Variants in AGA observed in about 807,000 individuals in gnomAD.
AGA encodes the protein aspartylglucosaminidase.
A neutral mutation model predicts 40.1 loss-of-function variants in AGA; 31 were observed. The observed-to-expected ratio is 0.77, with a 90% CI of 0.58 to 1.04. The LOEUF is 1.04. Ranked by LOEUF, AGA falls within the 50% of genes least tolerant of loss-of-function variation. The probability of loss-of-function intolerance (pLI) is 0.00; values close to 1 mark genes in which losing one functional copy is unlikely to be tolerated. For missense variants in AGA, 445 were observed against 435.4 expected, an observed-to-expected ratio of 1.02 and a Z score of -0.20; for synonymous variants, 148 against 144.0, an observed-to-expected ratio of 1.03 and a Z score of -0.20.
In AGA at chr4:177,434,450, A is replaced by G. The variant is rs758804988; in HGVS notation, c.738T>C (p.Tyr246=). 11 of 1,614,210 alleles carry G rather than the reference A, an allele frequency of 6.8e-6. No individual in the cohort carries two copies. In the South Asian group the frequency reaches 1.1e-4, roughly 16 times the overall value. Residue 246 remains tyrosine (Y), a synonymous_variant, in exon 7 of 9, where the codon TAT becomes TAC. Transcript: ENST00000264595. ...CGGCTGCCCCTGCAGTATCGTCAGC[A>G]TAGGCTCCAGCTCCAGGTATTGGTG... The part of the protein sequence containing the change: ...GDSPIPGAGA[Y]ADDTAGAAAA...
chr4:177,438,433 A>G (rs979687627), intron 4 of AGA, among the ~76,000 whole-genome samples: 1 of 152,186 alleles, frequency 6.6e-6, no homozygotes, highest in Admixed American at 6.5e-5. Context: ...TTCCAAACTG[A>G]TTTTTTAGAC....
At chr4:177,434,171 T>A (rs953243574) in intron 7 of AGA, among the ~76,000 whole-genome samples, 1 of 152,002 alleles carries the variant, frequency 6.6e-6, no homozygotes, top group Non-Finnish European at 1.5e-5. Context: ...ATTTTTTGTA[T>A]TTTTAGTAGA....
intron 3 of AGA, 63 bp from the exon 4 acceptor site, chr4:177,438,920 T>A: frequency 1.0e-6 from 1 of 970,290 alleles, no homozygotes; most frequent in Admixed American, 1.8e-5. Flanking sequence ...CAAAAATATA[T>A]GTACTAGAGA....
chr4:177,431,574 CA>C lies in AGA; in HGVS notation c.*133del, dbSNP rs1383014161. 1.3e-6 allele frequency: 1 copy of C among 765,168 alleles called. No individual in the cohort carries two copies. Among genetic ancestry groups the C allele is most frequent in the Non-Finnish European group, 2.3e-6 (1 of 440,386 alleles). The allele number at this position is 765,168 out of a possible 1,614,324, so 47.4% of individuals were successfully genotyped here. On this transcript the variant is annotated 3_prime_UTR_variant, in exon 9 of 9. Coordinates refer to ENST00000264595, the MANE Select transcript of AGA (RefSeq NM_000027.4). ...TCAGATATAGAAAGTGCCAATTCAA[CA>C]TAAATTTATTTTTGTGTTTATTTTA...
chr4:177,436,241 A>G (rs768012132), intron 6 of AGA, 35 bp downstream of exon 6: 22 of 1,527,512 alleles, frequency 1.4e-5, no homozygotes, highest in Non-Finnish European at 1.9e-5. Context: ...CATTCAGTGT[A>G]TATTTGAGAG....
chr4:177,438,755 T>C lies in AGA; in HGVS notation c.497A>G (p.Asn166Ser). The C allele has an allele frequency of 1.3e-6, 2 of 1,586,084 alleles. No individual in the cohort carries two copies. The highest frequency in any genetic ancestry group is 1.7e-6 in the Non-Finnish European group (2 of 1,154,282). ...SDWLARNCQP[N>S]YWRNVIPDPS... ...TAAATGTGTGCATACCCTCCAATAA[T>C]TTGGCTGGCAATTCCGAGCAAGCCA... Residue 166 changes from asparagine to serine, a missense_variant, in exon 4 of 9, where the codon AAT (asparagine) becomes AGT (serine). Coordinates refer to ENST00000264595, the MANE Select transcript of AGA (RefSeq NM_000027.4).
intron 1 of AGA, 107 bp downstream of exon 1, chr4:177,442,142 C>A (rs977410202): frequency 3.1e-5 from 47 of 1,516,056 alleles, no homozygotes; most frequent in Non-Finnish European, 4.0e-5. Context: ...CGGCCCAGCC[C>A]GGCGCTCTTC....
At chr4:177,434,903 G>C (rs1255578412) in intron 6 of AGA, among the ~76,000 whole-genome samples, 2 of 113,548 alleles carry the variant, frequency 1.8e-5, no homozygotes, top group Non-Finnish European at 4.1e-5. Flanking sequence ...CTGCGAAGTA[G>C]ATTTTTTTTT....
intron 8 of AGA, 138 bp downstream of exon 8, chr4:177,433,076 T>C (rs1246377014): frequency 8.2e-7 from 1 of 1,215,150 alleles, no homozygotes; most frequent in East Asian, 2.5e-5. Context: ...AGATCATCAA[T>C]GAACATTTAC....
At position 177,434,266 on chromosome 4, in the gene AGA, A is replaced by G. The variant is rs1736722945; in HGVS notation, c.806+116T>C. ...GATCCACCTGCCTCAGTCTCCCAAA[A>G]TGCTAGGATTACAGTCGTGAGCCAC... On this transcript the variant is annotated intron_variant, in intron 7 of 8. Transcript: ENST00000264595. 1.8e-5 allele frequency: 17 copies of G among 957,234 alleles called. No individual in the cohort carries two copies. The South Asian group carries it at 2.1e-4, about 12-fold the overall frequency. 59.3% of individuals were successfully genotyped at this position (957,234 alleles called of 1,614,324 possible).
chr4:177,442,371 G>T lies in AGA; in HGVS notation c.5C>A (p.Ala2Glu), dbSNP rs1308534107. ...AAGCACAGGCAAGTTCGACTTCCGCGCCATCCCTGACCACCGAAGAGACCA... is the reference window on the plus strand; with the variant it reads ...AAGCACAGGCAAGTTCGACTTCCGCTCCATCCCTGACCACCGAAGAGACCA... M[A>E]RKSNLPVLLV... The change falls in exon 1 of 9, where the codon GCG becomes GAG. Residue 2 changes from alanine (A) to glutamate (E), a missense_variant. Physicochemically the swap from Ala to Glu is moderately radical, Grantham distance 107. Transcript: ENST00000264595. The T allele has an allele frequency of 1.2e-6, 2 of 1,613,980 alleles. No individual in the cohort carries two copies. The highest frequency in any genetic ancestry group is 1.7e-6 in the Non-Finnish European group (2 of 1,179,916).
chr4:177,439,673 T>C lies in AGA; in HGVS notation c.297A>G (p.Val99=). Residue 99 remains valine (V), a synonymous_variant, in exon 3 of 9, where the codon GTA becomes GTG. Transcript: ENST00000264595. ...TTCGTCTGAGATCTCCTACTGCTCC[T>C]ACATCCATAGTAGTGCTGCAAGAAA... The part of the protein sequence containing the change: ...AMIMDGTTMD[V]GAVGDLRRIK... The C allele has an allele frequency of 6.2e-7, 1 of 1,609,620 alleles. No individual in the cohort carries two copies. Among genetic ancestry groups the C allele is most frequent in the South Asian group, 1.1e-5 (1 of 91,048 alleles).
At position 177,436,303 on chromosome 4, in the gene AGA, G is replaced by C; in HGVS notation, c.671C>G (p.Thr224Arg). The change falls in exon 6 of 9, where the codon ACA becomes AGA. Residue 224 changes from threonine (T) to arginine (R), a missense_variant. Coordinates refer to ENST00000264595, the MANE Select transcript of AGA (RefSeq NM_000027.4). ...KTGHIAAGTS[T>R]NGIKFKIHGR... is the part of the protein sequence containing the mutation. ...ATGTATTTTGAATTTTATACCATTT[G>C]TAGATGTACCAGCAGCAATATGTCC... 1.2e-6 allele frequency: 2 copies of C among 1,613,050 alleles called. No homozygotes were observed. The highest frequency in any genetic ancestry group is 1.7e-6 in the Non-Finnish European group (2 of 1,179,544).
intron 8 of AGA, among the ~76,000 whole-genome samples, chr4:177,432,766 C>A (rs1196734546): frequency 1.3e-5 from 2 of 152,118 alleles, no homozygotes; most frequent in Non-Finnish European, 2.9e-5. Flanking sequence ...ATTCTGCTAA[C>A]CTCTTCGGTT....
rs540646864 is a variant in AGA at position 177,430,956 on chromosome 4, C to G, written c.*752G>C. On this transcript the variant is annotated 3_prime_UTR_variant, in exon 9 of 9. Transcript: ENST00000264595. Reference sequence around the variant, plus strand: ...TTTCTTGACTTCTAATTGCCATACCCACCTCTGCACAAGGAATTAGTAAAA... The same window carrying G: ...TTTCTTGACTTCTAATTGCCATACCGACCTCTGCACAAGGAATTAGTAAAA... The G allele has an allele frequency of 1.8e-4, 82 of 454,040 alleles. No individual in the cohort carries two copies. Among genetic ancestry groups the G allele is most frequent in the African/African-American group, 1.4e-3 (71 of 50,104 alleles). 28.1% of individuals were successfully genotyped at this position (454,040 alleles called of 1,614,324 possible). A position where few individuals can be genotyped will look rare whatever the true frequency, so the allele number is the denominator to read the frequency against.
In AGA at chr4:177,431,453, T is replaced by C. The variant is rs946378080; in HGVS notation, c.*255A>G. The C allele has an allele frequency of 1.6e-5, 8 of 502,516 alleles. No individual in the cohort carries two copies. Among genetic ancestry groups the C allele is most frequent in the Non-Finnish European group, 2.9e-5 (8 of 274,958 alleles). The allele number at this position is 502,516 out of a possible 1,614,324, so 31.1% of individuals were successfully genotyped here. On this transcript the variant is annotated 3_prime_UTR_variant, in exon 9 of 9. Coordinates refer to ENST00000264595, the MANE Select transcript of AGA (RefSeq NM_000027.4). ...TTGCAACACTGATCAGAAATCCAAG[T>C]GTCACTTAAAACTTAAATATATACA...
rs1294927672 is a variant in AGA at position 177,440,430 on chromosome 4, T to G, written c.128-4A>C. On this transcript the variant is annotated splice_polypyrimidine_tract_variant and splice_region_variant and intron_variant, in intron 1 of 8. Transcript: ENST00000264595. The stretch of plus-strand genomic sequence containing the variant: ...CCAGATGCTAATGCCCTCCACGCTG[T>G]TAATCAAATCCCAATAATGCTTGTT... 4 of 1,613,758 alleles carry G rather than the reference T, an allele frequency of 2.5e-6. No individual in the cohort carries two copies. The highest frequency in any genetic ancestry group is 3.4e-6 in the Non-Finnish European group (4 of 1,180,004).
In AGA at chr4:177,430,847, A is replaced by G. The variant is rs1736607301; in HGVS notation, c.*861T>C. The G allele has an allele frequency of 2.2e-6, 1 of 454,124 alleles. No individual in the cohort carries two copies. Among genetic ancestry groups the G allele is most frequent in the Non-Finnish European group, 4.4e-6 (1 of 226,766 alleles). 28.1% of individuals were successfully genotyped at this position (454,124 alleles called of 1,614,324 possible). On this transcript the variant is annotated 3_prime_UTR_variant, in exon 9 of 9. Transcript: ENST00000264595. ...TGATTTTGAAGGAAAAATGCTGCTG[A>G]GAAAGCACGCGCACAACTTCTGTAG...
intron 6 of AGA, 121 bp from the exon 7 acceptor site, chr4:177,434,610 C>A: frequency 1.2e-6 from 1 of 803,924 alleles, no homozygotes; most frequent in Non-Finnish European, 2.1e-6. Context: ...GTAAATTCTT[C>A]ATCGGAACAA....
Sources: gnomAD v4.1 joint callset for allele counts (sites outside exome capture counted in the v4.1 genomes callset) on GRCh38, gnomAD v4.1.1 for gene constraint, MANE v1.5 for transcripts, NCBI Gene and HGNC (gene_info 2026-07-23, HGNC 2026-07-21) for gene names.